Variants in PDE6H observed in about 807,000 individuals in gnomAD.
PDE6H encodes phosphodiesterase 6H.
In PDE6H, 11 loss-of-function variants were observed where a neutral mutation model predicts 9.2. That is an observed-to-expected ratio of 1.19 (90% CI 0.75 to 1.97). The LOEUF is 1.97. Ranked by LOEUF, PDE6H falls within the 30% of genes most tolerant of loss-of-function variation. The pLI is 0.00. For synonymous variants in PDE6H, 36 were observed against 33.6 expected (o/e 1.07, Z -0.25); for missense variants, 98 against 101.5 (o/e 0.97, Z 0.15).
At chr12:14,974,887 T>A (rs547571273) in intron 1 of PDE6H, among the ~76,000 whole-genome samples, 1 of 152,242 alleles carries the variant, frequency 6.6e-6, no homozygotes, top group Non-Finnish European at 1.5e-5. Flanking sequence ...GGCTTTCTTT[T>A]CTCTCAGAAG....
chr12:14,979,112 C>T (rs957948443), intron 2 of PDE6H, 67 bp from the exon 3 acceptor site: 2 of 1,010,218 alleles, frequency 2.0e-6, no homozygotes. Flanking sequence ...AGAAACTCTC[C>T]ATGTGAGTGA....
intron 3 of PDE6H, 57 bp downstream of exon 3, chr12:14,979,276 A>C: frequency 8.6e-7 from 1 of 1,166,858 alleles, no homozygotes; most frequent in African/African-American, 1.5e-5. Context: ...GCCTTTTTAT[A>C]TACTTCAGGC....
At chr12:14,973,217 T>TGAAAATGG in intron 1 of PDE6H, 131 bp downstream of exon 1, 1 of 152,146 alleles carries the variant, frequency 6.6e-6, no homozygotes, top group Admixed American at 6.5e-5. Context: ...TGGCTGGGGA[T>TGAAAATGG]GAAAATGGGA....
chr12:14,977,941 ATCT>A (rs962383070), intron 1 of PDE6H, 28 bp from the exon 2 acceptor site: 110 of 1,479,398 alleles, frequency 7.4e-5, no homozygotes, highest in East Asian at 3.9e-4. Context: ...GACTTGAAAG[ATCT>A]TCTTTTTTTT....
At chr12:14,976,693 T>C (rs1445206617) in intron 1 of PDE6H, among the ~76,000 whole-genome samples, 2 of 151,720 alleles carry the variant, frequency 1.3e-5, no homozygotes, top group Admixed American at 1.3e-4. Flanking sequence ...AGAACTTGTC[T>C]CTCTTAAAAA....
chr12:14,975,368 A>ATTTT (rs11314271), intron 1 of PDE6H, among the ~76,000 whole-genome samples: 1 of 149,102 alleles, frequency 6.7e-6, no homozygotes, highest in Admixed American at 6.6e-5. Flanking sequence ...GTGTCTTGTA[A>ATTTT]TTTTTTTTTT....
chr12:14,978,991 G>C (rs959615063), intron 2 of PDE6H, among the ~76,000 whole-genome samples, 188 bp from the exon 3 acceptor site: 4 of 152,072 alleles, frequency 2.6e-5, no homozygotes, highest in African/African-American at 9.7e-5. Flanking sequence ...CTCTCCAGTG[G>C]GATACACCAA....
intron 3 of PDE6H, among the ~76,000 whole-genome samples, chr12:14,980,018 G>A (rs2120831591): frequency 6.6e-6 from 1 of 152,238 alleles, no homozygotes; most frequent in African/African-American, 2.4e-5. Flanking sequence ...TTTATCCCTT[G>A]TGTTGTAAAG....
At chr12:14,977,240 C>T (rs939051457) in intron 1 of PDE6H, among the ~76,000 whole-genome samples, 4 of 152,196 alleles carry the variant, frequency 2.6e-5, no homozygotes, top group Non-Finnish European at 5.9e-5. Flanking sequence ...CCTGTCCAGA[C>T]AACTACACTG....
intron 2 of PDE6H, among the ~76,000 whole-genome samples, chr12:14,978,649 G>A (rs1441709016): frequency 6.6e-6 from 1 of 152,010 alleles, no homozygotes; most frequent in Non-Finnish European, 1.5e-5. Context: ...TTACTTTCAT[G>A]TTTGCATTTT....
chr12:14,979,106 ACT>A, intron 2 of PDE6H, 71 bp from the exon 3 acceptor site: 1 of 951,546 alleles, frequency 1.1e-6, no homozygotes, highest in African/African-American at 1.6e-5. Context: ...GAATCAAGAA[ACT>A]CTCCATGTGA....
chr12:14,975,734 C>T (rs796650610), intron 1 of PDE6H, among the ~76,000 whole-genome samples: 2 of 152,154 alleles, frequency 1.3e-5, no homozygotes, highest in African/African-American at 4.8e-5. Flanking sequence ...AAGCTAATGA[C>T]TTCTCTGTGC....
At chr12:14,978,954 G>A (rs1864638463) in intron 2 of PDE6H, among the ~76,000 whole-genome samples, 1 of 152,044 alleles carries the variant, frequency 6.6e-6, no homozygotes, top group Non-Finnish European at 1.5e-5. Flanking sequence ...AATTGTTTTA[G>A]GTTAAGTTCC....
chr12:14,977,717 A>G (rs1207268649), intron 1 of PDE6H, among the ~76,000 whole-genome samples: 1 of 152,254 alleles, frequency 6.6e-6, no homozygotes, highest in Non-Finnish European at 1.5e-5. Context: ...GTCCGTTTAC[A>G]CAACTGATAG....
At chr12:14,974,972 A>C (rs1370725383) in intron 1 of PDE6H, among the ~76,000 whole-genome samples, 1 of 152,196 alleles carries the variant, frequency 6.6e-6, no homozygotes, top group Admixed American at 6.5e-5. Context: ...TTTCCCCATA[A>C]CTCTAAAAGG....
Position 14,978,083 on chromosome 12 carries a change from CCAAGTT to C in PDE6H, c.76_81del (p.Phe26_Lys27del). ...CCTACCACCCCACGCAAAGGCCCTC[CCAAGTT>C]CAAGCAGAGGCAGACTCGCCAATTC... On this transcript the variant is annotated inframe_deletion, in exon 2 of 4. Coordinates refer to ENST00000266395, the MANE Select transcript of PDE6H (RefSeq NM_006205.3). The C allele has an allele frequency of 1.2e-6, 2 of 1,613,712 alleles. No homozygotes were observed. The highest frequency in any genetic ancestry group is 1.7e-6 in the Non-Finnish European group (2 of 1,179,894).
At chr12:14,974,590 A>C (rs1272155226) in intron 1 of PDE6H, among the ~76,000 whole-genome samples, 2 of 152,254 alleles carry the variant, frequency 1.3e-5, no homozygotes, top group Non-Finnish European at 2.9e-5. Flanking sequence ...CTTGCAAGAA[A>C]AAAGGGGATG....
intron 1 of PDE6H, among the ~76,000 whole-genome samples, chr12:14,973,794 T>A (rs750852329): frequency 6.6e-5 from 10 of 152,172 alleles, no homozygotes; most frequent in Non-Finnish European, 8.8e-5. Flanking sequence ...TACCTGTCTA[T>A]AGCTTTGCTG....
At position 14,981,422 on chromosome 12, in the gene PDE6H, G is replaced by A; in HGVS notation, c.198G>A (p.Trp66Ter). The A allele has an allele frequency of 2.5e-6, 4 of 1,612,828 alleles. No homozygotes were observed. The highest frequency in any genetic ancestry group is 3.4e-6 in the Non-Finnish European group (4 of 1,178,794). ...CAGATATCACAGTGATTTGTCCATG[G>A]GAGGCATTCAGCCACCTGGAATTGC... ...LGTDITVICPWEAFSHLELHE... is the reference protein window; with the variant it reads ...LGTDITVICP The change falls in exon 4 of 4, where the codon TGG becomes TGA. Residue 66 changes from tryptophan to a stop codon, truncating the protein, a stop_gained. Transcript: ENST00000266395. LOFTEE classifies it high-confidence loss of function.
Sources: allele counts gnomAD v4.1 joint callset (sites outside exome capture counted in the v4.1 genomes callset), GRCh38; gene constraint gnomAD v4.1.1; transcripts MANE v1.5; gene names NCBI Gene and HGNC (gene_info 2026-07-23, HGNC 2026-07-21).